Variants in EXOC6 observed in about 807,000 individuals in gnomAD.
The protein encoded by EXOC6 is exocyst complex component 6, also known as SEC15-like 1.
Under a neutral mutation model 112.5 loss-of-function variants are expected in EXOC6, and 60 were observed. The observed-to-expected ratio is 0.53, with a 90% confidence interval of 0.43 to 0.66. EXOC6 has a LOEUF of 0.66. Among genes scored for constraint, EXOC6 ranks in the 30% least tolerant of loss-of-function variants. The probability of loss-of-function intolerance (pLI) is 0.00; values close to 1 mark genes in which losing one functional copy is unlikely to be tolerated. For missense variants in EXOC6, 855 were observed against 957.1 expected (o/e 0.89, Z 1.41); for synonymous variants, 295 against 308.0 (o/e 0.96, Z 0.44).
rs771935007 is a variant in EXOC6, at chr10:92,961,415, T to A, written c.1773+5701T>A. 2.7e-4 allele frequency among the ~76,000 whole-genome samples: 41 copies of A among 152,140 alleles called. 1 individual carries two copies. Among genetic ancestry groups the A allele is most frequent in the Non-Finnish European group, 5.1e-4 (35 of 68,016 alleles). On this transcript the variant is annotated intron_variant, in intron 17 of 21. Transcript: ENST00000260762. The stretch of plus-strand genomic sequence containing the variant: ...AGGACTGTATAAAGCAGTTTTATGC[T>A]TACAGCTGATTTAATACATTTGAAT...
intron 17 of EXOC6, among the ~76,000 whole-genome samples, chr10:92,970,844 G>A (rs148110656): frequency 1.8e-4 from 27 of 152,318 alleles, no homozygotes; most frequent in African/African-American, 6.5e-4. Context: ...AGTAGTAAGT[G>A]GTTAGTGTGA....
intron 20 of EXOC6, among the ~76,000 whole-genome samples, chr10:93,040,527 G>T (rs899737406): frequency 1.3e-5 from 2 of 152,202 alleles, no homozygotes; most frequent in African/African-American, 4.8e-5. Context: ...GATTACAGGC[G>T]TGAGCCACTG....
intron 20 of EXOC6, among the ~76,000 whole-genome samples, chr10:93,029,487 G>T (rs1315582413): frequency 6.6e-6 from 1 of 152,104 alleles, no homozygotes; most frequent in Non-Finnish European, 1.5e-5. Flanking sequence ...CTATTGGGTT[G>T]TCTATGTCTG....
chr10:93,058,322 A>C lies in EXOC6; in HGVS notation c.2382A>C (p.Arg794Ser). Residue 794 changes from arginine (R) to serine (S), a missense_variant, in exon 22 of 22, where the codon AGA (arginine) becomes AGC (serine). Physicochemically the swap from Arg to Ser is moderately radical, Grantham distance 110 (BLOSUM62 -1). This residue lies in a region of EXOC6 where 450 missense variants were observed against 563.5 expected (regional missense o/e 0.80). Transcript: ENST00000260762. ...TAGAGACAGTCGTGAAACAGCTGAG[A>C]AGTTTGGTGAATGGTATGTCCCAGC... ...KLIETVVKQL[R>S]SLVNGMSQHM 1.2e-6 allele frequency: 2 copies of C among 1,611,712 alleles called. No individual in the cohort carries two copies. Among genetic ancestry groups the C allele is most frequent in the Non-Finnish European group, 1.7e-6 (2 of 1,179,576 alleles).
chr10:92,929,107 G>A (rs1481502113), intron 9 of EXOC6, among the ~76,000 whole-genome samples: 9 of 152,160 alleles, frequency 5.9e-5, no homozygotes, highest in Non-Finnish European at 1.0e-4. Flanking sequence ...CAAAGTAGGT[G>A]TCTAATAAGA....
chr10:92,943,278 A>G (rs1196933878), intron 13 of EXOC6, among the ~76,000 whole-genome samples: 1 of 152,084 alleles, frequency 6.6e-6, no homozygotes, highest in Non-Finnish European at 1.5e-5. Context: ...TTGGCCTCCT[A>G]AAGTGCTGGG....
chr10:93,030,910 A>C (rs1318629287), intron 20 of EXOC6, among the ~76,000 whole-genome samples: 2 of 152,208 alleles, frequency 1.3e-5, no homozygotes, highest in African/African-American at 4.8e-5. Flanking sequence ...CCTTAAGGCA[A>C]ACAATCTAAT....
intron 19 of EXOC6, among the ~76,000 whole-genome samples, chr10:93,007,611 C>T (rs935818707): frequency 3.9e-5 from 6 of 152,170 alleles, no homozygotes; most frequent in African/African-American, 1.4e-4. Flanking sequence ...CGAGATCACA[C>T]CACTGCACTC....
rs534675365 is a variant in EXOC6, at chr10:92,940,779, A to G, written c.1265A>G (p.Asp422Gly). The G allele has an allele frequency of 1.2e-5, 20 of 1,611,782 alleles. No homozygotes were observed. The East Asian group carries it at 4.2e-4, about 34-fold the overall frequency. ...TTTGACCTTTTATTTGAAATAAGAG[A>G]CCAATACAATGAAACACTGCTTAAG... ...RLFDLLFEIR[D>G]QYNETLLKKW... Residue 422 changes from aspartate (D) to glycine (G), a missense_variant, in exon 13 of 22, where the codon GAC becomes GGC. By Grantham distance (94) the Asp-to-Gly change is moderately conservative. This residue lies in a region of EXOC6 where 450 missense variants were observed against 563.5 expected (regional missense o/e 0.80). Transcript: ENST00000260762.
intron 8 of EXOC6, 51 bp downstream of exon 8, chr10:92,920,101 C>T (rs1442221079): frequency 8.4e-7 from 1 of 1,187,144 alleles, no homozygotes; most frequent in Middle Eastern, 2.8e-4. Flanking sequence ...ATTTAAAAGG[C>T]ATGTATGTAT....
chr10:92,913,557 C>T (rs1850917482), intron 6 of EXOC6, among the ~76,000 whole-genome samples: 1 of 152,186 alleles, frequency 6.6e-6, no homozygotes, highest in African/African-American at 2.4e-5. Context: ...AATGTCCATT[C>T]TTTCACATTT....
chr10:92,852,723 CT>C (rs1426364853), intron 1 of EXOC6, among the ~76,000 whole-genome samples: 1 of 152,054 alleles, frequency 6.6e-6, no homozygotes, highest in Non-Finnish European at 1.5e-5. Context: ...ATATTAATTC[CT>C]GATTTTAAAA....
At chr10:92,922,539 A>C (rs1042212469) in intron 8 of EXOC6, among the ~76,000 whole-genome samples, 1 of 152,200 alleles carries the variant, frequency 6.6e-6, no homozygotes, top group African/African-American at 2.4e-5. Flanking sequence ...AGTCTACTTT[A>C]GCCAAAAAAG....
At chr10:92,955,006 A>G (rs1009284163) in intron 16 of EXOC6, among the ~76,000 whole-genome samples, 2 of 152,100 alleles carry the variant, frequency 1.3e-5, no homozygotes, top group African/African-American at 4.8e-5. Context: ...AGCCTGGGCA[A>G]TATAGTGAGA....
intron 4 of EXOC6, among the ~76,000 whole-genome samples, chr10:92,899,123 A>T (rs1850005771): frequency 6.6e-6 from 1 of 151,866 alleles, no homozygotes; most frequent in African/African-American, 2.4e-5. Context: ...TTCTTTGTGG[A>T]TTTGGTATAA....
chr10:92,911,535 C>A (rs1030033310), intron 6 of EXOC6, among the ~76,000 whole-genome samples: 1 of 152,014 alleles, frequency 6.6e-6, no homozygotes, highest in African/African-American at 2.4e-5. Context: ...TTTCATAGAC[C>A]AGTTTTGGAT....
At chr10:92,867,256 C>T (rs1848218575) in intron 1 of EXOC6, among the ~76,000 whole-genome samples, 1 of 151,958 alleles carries the variant, frequency 6.6e-6, no homozygotes, top group Non-Finnish European at 1.5e-5. Flanking sequence ...TATCTTTTAC[C>T]CAAGTGATCT....
chr10:92,984,749 C>T (rs1301169405), intron 18 of EXOC6, among the ~76,000 whole-genome samples: 1 of 152,096 alleles, frequency 6.6e-6, no homozygotes, highest in Non-Finnish European at 1.5e-5. Context: ...TGCATTTCTT[C>T]ATTGTCTTCT....
intron 20 of EXOC6, among the ~76,000 whole-genome samples, chr10:93,021,992 C>T (rs1039541809): frequency 2.6e-5 from 4 of 151,958 alleles, no homozygotes; most frequent in Non-Finnish European, 5.9e-5. Context: ...TTGATTTTTC[C>T]GGATAGATAG....
Sources: gnomAD v4.1 joint callset for allele counts (sites outside exome capture counted in the v4.1 genomes callset) on GRCh38, gnomAD v4.1.1 for gene constraint, gnomAD v4.1.1 regional missense constraint, MANE v1.5 for transcripts, NCBI Gene and HGNC (gene_info 2026-07-23, HGNC 2026-07-21) for gene names.